The following SLC30A8 variants were observed in gnomAD, a reference collection of about 807,000 sequenced individuals.
The protein encoded by SLC30A8 is solute carrier family 30 member 8.
SLC30A8 carries 27 observed loss-of-function variants against 36.9 expected under a neutral mutation model. The observed-to-expected ratio is 0.73, with a 90% confidence interval of 0.54 to 1.01. The LOEUF is 1.01. Ranked by LOEUF, SLC30A8 falls within the 50% of genes least tolerant of loss-of-function variation. SLC30A8 has a pLI of 0.00. For missense variants in SLC30A8, 439 were observed against 452.0 expected, an observed-to-expected ratio of 0.97 and a Z score of 0.26; for synonymous variants, 164 against 172.4, an observed-to-expected ratio of 0.95 and a Z score of 0.38.
intron 3 of SLC30A8, among the ~76,000 whole-genome samples, chr8:117,155,626 G>T (rs17813200): frequency 0.38 from 57,565 of 152,014 alleles, 13,665 homozygotes; most frequent in African/African-American, 0.68. Flanking sequence ...GAATGAGGTC[G>T]GGGAAATAAT....
At chr8:117,033,396 T>C (rs191974559) in intron 1 of SLC30A8, among the ~76,000 whole-genome samples, 1 of 152,338 alleles carries the variant, frequency 6.6e-6, no homozygotes, top group Non-Finnish European at 1.5e-5. Context: ...TATGATTCCA[T>C]TTATAAGACA....
chr8:117,064,697 AG>A (rs1818116429), intron 2 of SLC30A8, among the ~76,000 whole-genome samples: 2 of 152,232 alleles, frequency 1.3e-5, no homozygotes, highest in African/African-American at 4.8e-5. Context: ...GACCCAGAGG[AG>A]AACACAAGGA....
At chr8:117,120,676 A>T (rs372198842) in intron 2 of SLC30A8, among the ~76,000 whole-genome samples, 3 of 151,964 alleles carry the variant, frequency 2.0e-5, no homozygotes, top group African/African-American at 7.2e-5. Context: ...GGCTACCTAC[A>T]TAATAAAGGA....
At chr8:116,986,874 C>T (rs556313290) in intron 1 of SLC30A8, among the ~76,000 whole-genome samples, 21 of 152,236 alleles carry the variant, frequency 1.4e-4, no homozygotes, top group African/African-American at 3.1e-4. Flanking sequence ...AAAAATCAAA[C>T]GTTTCTACTT....
intron 1 of SLC30A8, among the ~76,000 whole-genome samples, chr8:116,958,245 G>C (rs1054324587): frequency 6.6e-6 from 1 of 152,164 alleles, no homozygotes; most frequent in African/African-American, 2.4e-5. Flanking sequence ...TAGGAATGTA[G>C]TGGTTATGGC....
chr8:117,062,393 T>C (rs1288869753), intron 2 of SLC30A8, among the ~76,000 whole-genome samples: 2 of 152,140 alleles, frequency 1.3e-5, no homozygotes, highest in Non-Finnish European at 2.9e-5. Context: ...CTTTTACTTA[T>C]GGTGGAAGGT....
intron 2 of SLC30A8, among the ~76,000 whole-genome samples, chr8:117,045,228 T>C (rs186474810): frequency 1.3e-5 from 2 of 152,138 alleles, no homozygotes; most frequent in South Asian, 4.1e-4. Context: ...GTTTTTCTAG[T>C]GGAGGAACCT....
chr8:116,959,963 A>G (rs778007658), intron 1 of SLC30A8, among the ~76,000 whole-genome samples: 2 of 152,198 alleles, frequency 1.3e-5, no homozygotes, highest in Non-Finnish European at 2.9e-5. Context: ...TTCGTTGGTC[A>G]TCATGCTCTC....
chr8:117,018,694 T>A (rs1246994051), intron 1 of SLC30A8, among the ~76,000 whole-genome samples: 3 of 112,806 alleles, frequency 2.7e-5, no homozygotes, highest in Non-Finnish European at 3.4e-5. Context: ...TTTGATGGAG[T>A]CTTGTTCTGT....
rs547083825 is a variant in SLC30A8, at chr8:117,040,407, C to T, written c.-226+1149C>T. 4.6e-5 allele frequency among the ~76,000 whole-genome samples: 7 copies of T among 152,286 alleles called. No individual in the cohort carries two copies. In the South Asian group the frequency reaches 6.2e-4, roughly 14 times the overall value. ...GTCTAATCCTTGTGCCTGATGCACA[C>T]GGGCTTCAGTGACATTTCTGGAACT... On this transcript the variant is annotated intron_variant, in intron 2 of 10. Coordinates refer to the SLC30A8 transcript ENST00000427715.
intron 1 of SLC30A8, among the ~76,000 whole-genome samples, chr8:116,975,073 T>C (rs1040878881): frequency 6.8e-6 from 1 of 147,318 alleles, no homozygotes; most frequent in African/African-American, 2.5e-5. Flanking sequence ...TTAGGAGATA[T>C]ACCTAATGTA....
chr8:117,029,145 G>A (rs1816958074), intron 1 of SLC30A8, among the ~76,000 whole-genome samples: 1 of 152,074 alleles, frequency 6.6e-6, no homozygotes, highest in Admixed American at 6.6e-5. Flanking sequence ...TTTCTAAGAT[G>A]GGCTACTTTG....
chr8:116,975,060 G>A (rs1456824275), intron 1 of SLC30A8, among the ~76,000 whole-genome samples: 1 of 150,404 alleles, frequency 6.6e-6, no homozygotes, highest in Non-Finnish European at 1.5e-5. Context: ...GGGAGGGATA[G>A]CATTAGGAGA....
chr8:117,101,091 CTCTG>C (rs1682201243), intron 2 of SLC30A8, among the ~76,000 whole-genome samples: 1 of 152,106 alleles, frequency 6.6e-6, no homozygotes, highest in Non-Finnish European at 1.5e-5. Context: ...TAATCTTAGA[CTCTG>C]TATTATGCTC....
intron 1 of SLC30A8, among the ~76,000 whole-genome samples, chr8:117,021,277 A>G (rs1266221712): frequency 6.6e-6 from 1 of 152,196 alleles, no homozygotes; most frequent in African/African-American, 2.4e-5. Context: ...TTTGAAAACA[A>G]TATGAGGTAA....
At chr8:117,050,155 A>G (rs1279760083) in intron 2 of SLC30A8, among the ~76,000 whole-genome samples, 6 of 152,178 alleles carry the variant, frequency 3.9e-5, no homozygotes, top group Admixed American at 3.3e-4. Flanking sequence ...GACAGGAGGC[A>G]TGATGCGTGC....
chr8:117,124,768 A>T (rs1424732483), intron 2 of SLC30A8, among the ~76,000 whole-genome samples: 7 of 151,714 alleles, frequency 4.6e-5, no homozygotes, highest in Non-Finnish European at 4.4e-5. Flanking sequence ...GTACATAAAG[A>T]TGAGAACCAT....
intron 2 of SLC30A8, among the ~76,000 whole-genome samples, chr8:117,072,125 C>T (rs181292674): frequency 6.6e-6 from 1 of 152,308 alleles, no homozygotes; most frequent in Non-Finnish European, 1.5e-5. Flanking sequence ...TGCTTTGGCA[C>T]CAAATCTATG....
intron 2 of SLC30A8, among the ~76,000 whole-genome samples, chr8:117,103,683 C>T (rs1166643001): frequency 6.6e-6 from 1 of 152,138 alleles, no homozygotes; most frequent in Non-Finnish European, 1.5e-5. Flanking sequence ...CCATGTTGGC[C>T]AGACTGGTCT....
Sources: allele counts gnomAD v4.1 joint callset (sites outside exome capture counted in the v4.1 genomes callset), GRCh38; gene constraint gnomAD v4.1.1; transcripts MANE v1.5; gene names NCBI Gene and HGNC (gene_info 2026-07-23, HGNC 2026-07-21).